Variants in IQGAP2 observed in about 807,000 individuals in gnomAD.
The protein encoded by IQGAP2 is IQ motif containing GTPase activating protein 2, also known as ras GTPase-activating-like protein IQGAP2.
Under a neutral mutation model 201.3 loss-of-function variants are expected in IQGAP2, and 173 were observed. The ratio of observed to expected loss-of-function variants is 0.86; its 90% CI spans 0.76 to 0.98. IQGAP2 has a LOEUF of 0.98. Ranked by LOEUF, IQGAP2 falls within the 50% of genes least tolerant of loss-of-function variation. The pLI is 0.00. For missense variants in IQGAP2, 1,687 were observed against 1,864.8 expected (o/e 0.90, Z 1.76); for synonymous variants, 675 against 673.9 (o/e 1.00, Z -0.03).
chr5:76,503,733 C>A (rs1270025455), intron 2 of IQGAP2, among the ~76,000 whole-genome samples: 8 of 151,930 alleles, frequency 5.3e-5, no homozygotes, highest in African/African-American at 9.7e-5. Context: ...GCTGGGATCA[C>A]AGGCATGCAC....
At chr5:76,589,089 G>C in intron 6 of IQGAP2, 116 bp downstream of exon 6, 1 of 532,870 alleles carries the variant, frequency 1.9e-6, no homozygotes, top group Non-Finnish European at 3.5e-6. Context: ...CGAGGCGGGC[G>C]GATCACAAGG....
intron 10 of IQGAP2, 49 bp downstream of exon 10, chr5:76,597,651 T>C (rs1216156940): frequency 6.3e-7 from 1 of 1,591,850 alleles, no homozygotes; most frequent in African/African-American, 1.3e-5. Flanking sequence ...CTGCGTGCCA[T>C]GGCGCACTAG....
intron 1 of IQGAP2, among the ~76,000 whole-genome samples, chr5:76,405,615 T>C (rs759502462): frequency 6.6e-6 from 1 of 152,226 alleles, no homozygotes; most frequent in Non-Finnish European, 1.5e-5. Flanking sequence ...GAACATGATA[T>C]CTAGCAGAAT....
chr5:76,414,700 C>T (rs543542675), intron 1 of IQGAP2, among the ~76,000 whole-genome samples: 6 of 152,216 alleles, frequency 3.9e-5, no homozygotes, highest in Non-Finnish European at 7.4e-5. Flanking sequence ...ATTTTTTCCT[C>T]CATGAGAACC....
chr5:76,607,486 A>G (rs62362035), intron 12 of IQGAP2: 24,602 of 152,180 alleles, frequency 0.16, 2,156 homozygotes, highest in Admixed American at 0.28. Flanking sequence ...GTTGTGCACA[A>G]ATCTAAATTT....
intron 13 of IQGAP2, among the ~76,000 whole-genome samples, chr5:76,619,806 C>T (rs1749453546): frequency 1.3e-5 from 2 of 152,140 alleles, no homozygotes; most frequent in East Asian, 1.9e-4. Context: ...GCGTGAGCCA[C>T]CGCGCCCGGC....
chr5:76,695,258 G>T (rs1746619095), intron 31 of IQGAP2, among the ~76,000 whole-genome samples, 196 bp from the exon 32 acceptor site: 1 of 152,136 alleles, frequency 6.6e-6, no homozygotes, highest in South Asian at 2.1e-4. Context: ...TCCCAAATAA[G>T]GCTTGCTATC....
At chr5:76,435,171 G>A (rs938874499) in intron 1 of IQGAP2, among the ~76,000 whole-genome samples, 9 of 151,756 alleles carry the variant, frequency 5.9e-5, no homozygotes, top group Admixed American at 3.9e-4. Flanking sequence ...TTACTCTGCT[G>A]GTTATTTCTT....
intron 9 of IQGAP2, among the ~76,000 whole-genome samples, chr5:76,595,532 G>A (rs559879591): frequency 1.3e-5 from 2 of 152,078 alleles, no homozygotes; most frequent in Admixed American, 1.3e-4. Context: ...GCTGAGGTGG[G>A]AGGATGACTT....
intron 26 of IQGAP2, among the ~76,000 whole-genome samples, 190 bp downstream of exon 26, chr5:76,674,226 A>G (rs151297288): frequency 6.6e-6 from 1 of 152,196 alleles, no homozygotes; most frequent in South Asian, 2.1e-4. Flanking sequence ...CATTATTGAA[A>G]TTCTTTGCAT....
chr5:76,558,952 G>A (rs1457565449), intron 2 of IQGAP2, among the ~76,000 whole-genome samples: 5 of 152,110 alleles, frequency 3.3e-5, no homozygotes, highest in Non-Finnish European at 7.4e-5. Flanking sequence ...CCAGGCTGGA[G>A]TGCAGTGGCG....
At chr5:76,614,705 C>G (rs1162418405) in intron 13 of IQGAP2, among the ~76,000 whole-genome samples, 1 of 148,750 alleles carries the variant, frequency 6.7e-6, no homozygotes, top group Non-Finnish European at 1.5e-5. Context: ...CCACCTCAGC[C>G]TCTCAAGTAG....
At chr5:76,440,831 A>G (rs1029233192) in intron 1 of IQGAP2, among the ~76,000 whole-genome samples, 12 of 152,068 alleles carry the variant, frequency 7.9e-5, no homozygotes, top group African/African-American at 2.9e-4. Flanking sequence ...CAGGAGTTTG[A>G]GACCAGCCTG....
intron 1 of IQGAP2, among the ~76,000 whole-genome samples, chr5:76,431,021 A>T (rs1456316607): frequency 6.6e-6 from 1 of 152,156 alleles, no homozygotes; most frequent in African/African-American, 2.4e-5. Flanking sequence ...AAGTGAAAAG[A>T]TTGTTTACAG....
chr5:76,622,517 C>A (rs1257924775), intron 13 of IQGAP2, among the ~76,000 whole-genome samples: 1 of 152,120 alleles, frequency 6.6e-6, no homozygotes, highest in Non-Finnish European at 1.5e-5. Context: ...CAGGTACAGA[C>A]CTATCCCAAA....
In IQGAP2 at chr5:76,403,625, C is replaced by T; in HGVS notation, c.46+34C>T. On this transcript the variant is annotated intron_variant, in intron 1 of 35. Coordinates refer to ENST00000274364, the MANE Select transcript of IQGAP2 (RefSeq NM_006633.5). The surrounding 1 kb of genome is among the most constrained non-coding windows in gnomAD (Gnocchi z 4.8). ...GCCGGGCGCGCGGGGTTCCTGCTGGCCTTGGGGAGCTCCCTCCCCGAGGAC... is the reference window on the plus strand; with the variant it reads ...GCCGGGCGCGCGGGGTTCCTGCTGGTCTTGGGGAGCTCCCTCCCCGAGGAC... The T allele has an allele frequency of 6.8e-7, 1 of 1,480,252 alleles. No individual in the cohort carries two copies. Among genetic ancestry groups the T allele is most frequent in the Non-Finnish European group, 9.0e-7 (1 of 1,115,332 alleles). 91.7% of individuals were successfully genotyped at this position (1,480,252 alleles called of 1,614,324 possible).
intron 35 of IQGAP2, among the ~76,000 whole-genome samples, chr5:76,705,891 T>C (rs1473523237): frequency 6.6e-6 from 1 of 152,252 alleles, no homozygotes; most frequent in Non-Finnish European, 1.5e-5. Flanking sequence ...TATGTTACTA[T>C]GAAATGTTAC....
chr5:76,566,907 G>A (rs1484806107), intron 3 of IQGAP2, among the ~76,000 whole-genome samples: 1 of 151,894 alleles, frequency 6.6e-6, no homozygotes, highest in Non-Finnish European at 1.5e-5. Flanking sequence ...TTCCATGGTG[G>A]GGACTTGAGA....
At chr5:76,522,247 A>G (rs776800895) in intron 2 of IQGAP2, among the ~76,000 whole-genome samples, 3 of 151,694 alleles carry the variant, frequency 2.0e-5, no homozygotes, top group Non-Finnish European at 4.4e-5. Flanking sequence ...CAGTGGCGCA[A>G]TCTCGGCTCA....
Sources: gnomAD v4.1 joint callset for allele counts (sites outside exome capture counted in the v4.1 genomes callset) on GRCh38, gnomAD v4.1.1 for gene constraint, Gnocchi (gnomAD v3.1) non-coding constraint, MANE v1.5 for transcripts, NCBI Gene and HGNC (gene_info 2026-07-23, HGNC 2026-07-21) for gene names.